PLS3: variants seen among roughly 807,000 people sequenced by gnomAD.
The protein encoded by PLS3 is plastin-3.
Under a neutral mutation model 46.5 loss-of-function variants are expected in PLS3, and 11 were observed. The observed-to-expected ratio is 0.24, with a 90% CI of 0.15 to 0.39. The LOEUF (loss-of-function observed/expected upper bound fraction) is 0.39, where lower values mean the gene tolerates loss of function less well. Among genes scored for constraint, PLS3 ranks in the 10% least tolerant of loss-of-function variants. The probability of loss-of-function intolerance (pLI) is 1.00; values close to 1 mark genes in which losing one functional copy is unlikely to be tolerated. For missense variants in PLS3, 308 were observed against 461.8 expected (o/e 0.67, Z 3.05); for synonymous variants, 167 against 162.2 (o/e 1.03, Z -0.22).
intron 3 of PLS3, among the ~76,000 whole-genome samples, chrX:115,623,551 A>G (rs1006642029): frequency 8.9e-6 from 1 of 111,787 alleles, no homozygotes. Flanking sequence ...TTTTAAAAAT[A>G]AAAGAATAGT....
chrX:115,649,690 G>A lies in PLS3; in HGVS notation c.*129G>A, dbSNP rs1336168688. On this transcript the variant is annotated 3_prime_UTR_variant, in exon 16 of 16. Coordinates refer to ENST00000355899, the MANE Select transcript of PLS3 (RefSeq NM_005032.7). ...AAGGACTTTTCATTTTGATTAACAG[G>A]ACTAGCTTATCATGAGAGCCCTCAG... 5 of 549,090 alleles carry A rather than the reference G, an allele frequency of 9.1e-6. No homozygotes were observed. The Admixed American group carries it at 1.6e-4, about 18-fold the overall frequency. The allele number at this position is 549,090 out of a possible 1,213,427, so 45.3% of individuals were successfully genotyped here. A position where few individuals can be genotyped will look rare whatever the true frequency, so the allele number is the denominator to read the frequency against.
At position 115,647,631 on chromosome X, in the gene PLS3, G is replaced by A. The variant is rs782735978; in HGVS notation, c.1593G>A (p.Thr531=). ...TCATTGTGAACTGGGTGAACAGAAC[G>A]TTGAGTGAAGCTGGAAAATCAACTT... ...DDIIVNWVNR[T]LSEAGKSTSI... The change falls in exon 14 of 16, where the codon ACG becomes ACA. Residue 531 remains threonine (T), a synonymous_variant. Coordinates refer to ENST00000355899, the MANE Select transcript of PLS3 (RefSeq NM_005032.7). 11 of 1,203,615 alleles carry A rather than the reference G, an allele frequency of 9.1e-6. No individual in the cohort carries two copies. In the African/African-American group the frequency reaches 1.8e-4, roughly 19 times the overall value.
chrX:115,563,180 C>T (rs2074150867), intron 1 of PLS3, among the ~76,000 whole-genome samples: 2 of 111,863 alleles, frequency 1.8e-5, no homozygotes, highest in Non-Finnish European at 3.8e-5. Flanking sequence ...CTTCCTTGGT[C>T]TGGCCTATAT....
intron 1 of PLS3, among the ~76,000 whole-genome samples, chrX:115,588,781 A>G (rs1056356539): frequency 2.7e-5 from 3 of 110,741 alleles, no homozygotes; most frequent in Admixed American, 9.7e-5. Context: ...AGAGACCCTC[A>G]GGATAGAAAA....
chrX:115,617,105 T>C (rs1032406941), intron 2 of PLS3, among the ~76,000 whole-genome samples: 15 of 112,041 alleles, frequency 1.3e-4, no homozygotes, highest in Non-Finnish European at 2.3e-4. Context: ...TTCTGTATCT[T>C]TGGTATGTAG....
chrX:115,611,708 A>G (rs1369893765), intron 2 of PLS3, among the ~76,000 whole-genome samples: 2 of 111,742 alleles, frequency 1.8e-5, no homozygotes, highest in Admixed American at 1.9e-4. Context: ...ATTACGTGCA[A>G]TATTCCTTAA....
intron 1 of PLS3, among the ~76,000 whole-genome samples, chrX:115,567,221 G>A (rs187784770): frequency 9.0e-6 from 1 of 111,451 alleles, no homozygotes; most frequent in Non-Finnish European, 1.9e-5. Context: ...CATAATTGCA[G>A]TCTAAAGGAG....
intron 1 of PLS3, among the ~76,000 whole-genome samples, chrX:115,578,937 T>G (rs2074265096): frequency 9.0e-6 from 1 of 110,681 alleles, no homozygotes; most frequent in African/African-American, 3.3e-5. Flanking sequence ...AATGGTAAAC[T>G]CTTAAAAAAC....
chrX:115,585,640 T>A (rs192566264), intron 1 of PLS3, among the ~76,000 whole-genome samples: 1 of 110,938 alleles, frequency 9.0e-6, no homozygotes, highest in African/African-American at 3.3e-5. Flanking sequence ...TTTGCCCTCC[T>A]CAGCCTCCCA....
intron 3 of PLS3, among the ~76,000 whole-genome samples, chrX:115,622,883 A>T (rs985102988): frequency 1.8e-5 from 2 of 111,798 alleles, no homozygotes; most frequent in South Asian, 7.5e-4. Flanking sequence ...TCTCTCTAGG[A>T]TGATAATTTT....
intron 2 of PLS3, 37 bp downstream of exon 2, chrX:115,610,360 T>A: frequency 2.7e-6 from 2 of 735,094 alleles, no homozygotes; most frequent in Non-Finnish European, 4.1e-6. Context: ...AGGGAAGCAA[T>A]ATTTATTTGG....
At chrX:115,619,012 T>C (rs1556637177) in intron 2 of PLS3, among the ~76,000 whole-genome samples, 1 of 112,661 alleles carries the variant, frequency 8.9e-6, no homozygotes, top group African/African-American at 3.2e-5. Flanking sequence ...AATATTATAC[T>C]TAGGTAATAA....
Position 115,647,597 on chromosome X carries a change from A to G in PLS3, c.1559A>G (p.Asn520Ser), listed in dbSNP as rs782820026. ...LEDLGDGQKANDDIIVNWVNR... is the reference protein window; with the variant it reads ...LEDLGDGQKASDDIIVNWVNR... ...GATCTTGGAGATGGTCAGAAAGCCAATGACGACATCATTGTGAACTGGGTG... is the reference window on the plus strand; with the variant it reads ...GATCTTGGAGATGGTCAGAAAGCCAGTGACGACATCATTGTGAACTGGGTG... The change falls in exon 14 of 16, where the codon AAT becomes AGT. Residue 520 changes from asparagine (N) to serine (S), a missense_variant. This residue lies in a region of PLS3 where 271 missense variants were observed against 435.7 expected (regional missense o/e 0.62). Transcript: ENST00000355899. 1.5e-5 allele frequency: 18 copies of G among 1,198,191 alleles called. No individual in the cohort carries two copies. The East Asian group carries it at 2.1e-4, about 14-fold the overall frequency.
intron 3 of PLS3, among the ~76,000 whole-genome samples, chrX:115,623,281 A>G (rs2074674856): frequency 8.9e-6 from 1 of 111,810 alleles, no homozygotes; most frequent in Non-Finnish European, 1.9e-5. Context: ...TCTTGAGGCC[A>G]GGCATTCAAG....
rs2074918352 is a variant in PLS3, at chrX:115,643,445, T to C, written c.1120T>C (p.Phe374Leu). The C allele has an allele frequency of 8.3e-7, 1 of 1,202,831 alleles. No homozygotes were observed. Among genetic ancestry groups the C allele is most frequent in the African/African-American group, 1.8e-5 (1 of 56,987 alleles). Residue 374 changes from phenylalanine to leucine, a missense_variant, in exon 10 of 16, where the codon TTT becomes CTT. By Grantham distance (22) the Phe-to-Leu change is conservative (BLOSUM62 0). Coordinates refer to ENST00000355899, the MANE Select transcript of PLS3 (RefSeq NM_005032.7). ...CAACTTAGCTTTCGTGGCTAACCTG[T>C]TTAATAAATACCCAGCACTAACTAA... ...KLNLAFVANL[F>L]NKYPALTKPE...
intron 2 of PLS3, among the ~76,000 whole-genome samples, chrX:115,613,973 G>T (rs2074571306): frequency 1.8e-5 from 2 of 110,888 alleles, no homozygotes; most frequent in East Asian, 2.8e-4. Context: ...ATTATTTTTT[G>T]TTTATTTATT....
At chrX:115,578,558 T>C (rs2074261818) in intron 1 of PLS3, among the ~76,000 whole-genome samples, 2 of 108,184 alleles carry the variant, frequency 1.8e-5, no homozygotes, top group African/African-American at 6.8e-5. Flanking sequence ...ACCTCGTCCC[T>C]ACTAAAAATA....
At chrX:115,587,994 A>G (rs2074321308) in intron 1 of PLS3, among the ~76,000 whole-genome samples, 1 of 112,136 alleles carries the variant, frequency 8.9e-6, no homozygotes, top group Admixed American at 9.5e-5. Context: ...CGACAGTATA[A>G]TTAATGAAAA....
chrX:115,603,880 C>T (rs782510641), intron 1 of PLS3, among the ~76,000 whole-genome samples: 86 of 111,993 alleles, frequency 7.7e-4, no homozygotes, highest in Non-Finnish European at 1.3e-3. Flanking sequence ...ATTGTGAAAT[C>T]GGGGTTAAAC....
Sources: gnomAD v4.1 joint callset for allele counts (sites outside exome capture counted in the v4.1 genomes callset) on GRCh38, gnomAD v4.1.1 for gene constraint, gnomAD v4.1.1 regional missense constraint, MANE v1.5 for transcripts, NCBI Gene and HGNC (gene_info 2026-07-23, HGNC 2026-07-21) for gene names.